Variants in CATSPERG observed in about 807,000 individuals in gnomAD.
CATSPERG encodes cation channel sperm-associated auxiliary subunit gamma.
CATSPERG carries 115 observed loss-of-function variants against 145.0 expected under a neutral mutation model. That is an observed-to-expected ratio of 0.79 (90% CI 0.68 to 0.93). The LOEUF (loss-of-function observed/expected upper bound fraction) is 0.93. Ranked by LOEUF, CATSPERG falls within the 40% of genes least tolerant of loss-of-function variation. CATSPERG has a pLI of 0.00. For missense variants in CATSPERG, 1,296 were observed against 1,490.1 expected, an observed-to-expected ratio of 0.87 and a Z score of 2.14; for synonymous variants, 588 against 589.0, an observed-to-expected ratio of 1.00 and a Z score of 0.02.
intron 7 of CATSPERG, among the ~76,000 whole-genome samples, chr19:38,346,835 G>C (rs1045406467): frequency 6.6e-6 from 1 of 152,160 alleles, no homozygotes; most frequent in African/African-American, 2.4e-5. Flanking sequence ...GCAGTTCAAC[G>C]ACCCGGTCTT....
At chr19:38,354,552 G>A (rs1046843486) in intron 8 of CATSPERG, among the ~76,000 whole-genome samples, 158 bp from the exon 9 acceptor site, 27 of 152,158 alleles carry the variant, frequency 1.8e-4, no homozygotes, top group African/African-American at 4.1e-4. Context: ...CAAAGGCAGC[G>A]GGTGCCCTCT....
chr19:38,337,034 T>TGCGGGG, intron 1 of CATSPERG, 187 bp from the exon 2 acceptor site: 1 of 638,294 alleles, frequency 1.6e-6, no homozygotes, highest in South Asian at 2.0e-5. Flanking sequence ...TAAAAGTCCG[T>TGCGGGG]GCGGGGGCAG....
intron 11 of CATSPERG, among the ~76,000 whole-genome samples, chr19:38,357,553 G>A (rs1600470576): frequency 6.6e-6 from 1 of 151,150 alleles, no homozygotes; most frequent in Non-Finnish European, 1.5e-5. Context: ...GTGGTGGCTC[G>A]TGCTTATAAT....
In CATSPERG at chr19:38,346,518, G is replaced by A. The variant is rs763377806; in HGVS notation, c.738G>A (p.Gln246=). ...SSRPLWHTVD[Q]SPVLILGGIP... ...GGCCCTTGTGGCACACTGTGGACCA[G>A]TCACCTGTGCTTATCCTGGGAGGCA... The change falls in exon 7 of 29, where the codon CAG becomes CAA. Residue 246 remains glutamine, a synonymous_variant. Coordinates refer to ENST00000409235, the MANE Select transcript of CATSPERG (RefSeq NM_021185.5). 2.3e-4 allele frequency: 356 copies of A among 1,551,538 alleles called. No homozygotes were observed. Among genetic ancestry groups the A allele is most frequent in the Non-Finnish European group, 3.0e-4 (345 of 1,146,914 alleles).
At chr19:38,353,011 G>C (rs1165865850) in intron 8 of CATSPERG, among the ~76,000 whole-genome samples, 2 of 132,548 alleles carry the variant, frequency 1.5e-5, no homozygotes, top group Non-Finnish European at 3.1e-5. Context: ...CTGGGCGACA[G>C]AGCAAGACCC....
intron 3 of CATSPERG, among the ~76,000 whole-genome samples, 170 bp from the exon 4 acceptor site, chr19:38,343,410 T>C (rs1316699234): frequency 2.0e-5 from 3 of 152,104 alleles, no homozygotes; most frequent in African/African-American, 7.2e-5. Flanking sequence ...CCTAGGCTGT[T>C]CCATCCCCCA....
At chr19:38,360,367 TG>T in intron 14 of CATSPERG, 121 bp from the exon 15 acceptor site, 1 of 1,490,116 alleles carries the variant, frequency 6.7e-7, no homozygotes, top group Non-Finnish European at 8.9e-7. Context: ...TTGGTCCCAG[TG>T]GAGGTGAGTT....
intron 8 of CATSPERG, 69 bp downstream of exon 8, chr19:38,352,501 T>TG: frequency 6.9e-7 from 1 of 1,445,542 alleles, no homozygotes; most frequent in Middle Eastern, 1.7e-4. Flanking sequence ...TGAAGGTGGC[T>TG]GGGGGCTGGA....
chr19:38,346,415 A>T, intron 6 of CATSPERG, 35 bp from the exon 7 acceptor site: 1 of 1,497,720 alleles, frequency 6.7e-7, no homozygotes, highest in Non-Finnish European at 9.0e-7. Flanking sequence ...GAGAGTGGGG[A>T]GAGTGTTGGC....
At position 38,367,490 on chromosome 19, in the gene CATSPERG, A is replaced by G; in HGVS notation, c.2771-19A>G. The G allele has an allele frequency of 6.2e-7, 1 of 1,611,724 alleles. No individual in the cohort carries two copies. The highest frequency in any genetic ancestry group is 1.1e-5 in the South Asian group (1 of 90,886). ...AAGCTAATTTCTTCTTCTGGTCTCAATCCCCTCCAACCCCATAGTTTTCTA... is the reference window on the plus strand; with the variant it reads ...AAGCTAATTTCTTCTTCTGGTCTCAGTCCCCTCCAACCCCATAGTTTTCTA... On this transcript the variant is annotated intron_variant, in intron 23 of 28. Coordinates refer to ENST00000409235, the MANE Select transcript of CATSPERG (RefSeq NM_021185.5).
intron 7 of CATSPERG, chr19:38,349,766 G>C (rs1970105342): frequency 6.6e-6 from 1 of 152,272 alleles, no homozygotes; most frequent in Non-Finnish European, 1.5e-5. Flanking sequence ...CCAGGTTCAA[G>C]TGATTCTTCT....
At chr19:38,359,262 G>A (rs1466873285) in intron 13 of CATSPERG, among the ~76,000 whole-genome samples, 1 of 152,016 alleles carries the variant, frequency 6.6e-6, no homozygotes, top group Non-Finnish European at 1.5e-5. Flanking sequence ...CTGGCAAACT[G>A]CCAGGTTGGC....
chr19:38,350,848 G>C (rs1244540944), intron 7 of CATSPERG, among the ~76,000 whole-genome samples: 1 of 152,096 alleles, frequency 6.6e-6, no homozygotes, highest in African/African-American at 2.4e-5. Flanking sequence ...AATTAGCCAG[G>C]CATGGTGGTG....
At position 38,337,900 on chromosome 19, in the gene CATSPERG, A is replaced by G. The variant is rs1045787147; in HGVS notation, c.324+254A>G. ...CGCCCGGCTAATTTTTGTATTTGGT[A>G]GAGACAGGGTTTCACCACGTTGCCC... On this transcript the variant is annotated intron_variant, in intron 3 of 28. Coordinates refer to ENST00000409235, the MANE Select transcript of CATSPERG (RefSeq NM_021185.5). 3 of 345,264 alleles carry G rather than the reference A, an allele frequency of 8.7e-6. No individual in the cohort carries two copies. The South Asian group carries it at 9.2e-5, about 11-fold the overall frequency. The allele number at this position is 345,264 out of a possible 1,614,324, so 21.4% of individuals were successfully genotyped here. A position where few individuals can be genotyped will look rare whatever the true frequency, so the allele number is the denominator to read the frequency against.
chr19:38,353,308 T>A (rs182606013), intron 8 of CATSPERG, among the ~76,000 whole-genome samples: 76 of 151,804 alleles, frequency 5.0e-4, no homozygotes, highest in African/African-American at 1.7e-3. Flanking sequence ...CACTCCAGCC[T>A]GGCCAACAGA....
intron 14 of CATSPERG, 134 bp from the exon 15 acceptor site, chr19:38,360,355 C>T (rs1426555325): frequency 6.8e-7 from 1 of 1,468,242 alleles, no homozygotes; most frequent in Non-Finnish European, 9.0e-7. Context: ...AGGGGAGCGC[C>T]CTTGGTCCCA....
At chr19:38,352,604 T>TTC in intron 8 of CATSPERG, 172 bp downstream of exon 8, 1 of 613,608 alleles carries the variant, frequency 1.6e-6, no homozygotes, top group Non-Finnish European at 2.8e-6. Context: ...CCTTTTTTTT[T>TTC]TTTTTTTTTT....
intron 12 of CATSPERG, 38 bp from the exon 13 acceptor site, chr19:38,358,394 C>T: frequency 2.5e-6 from 4 of 1,614,114 alleles, no homozygotes; most frequent in Non-Finnish European, 3.4e-6. Flanking sequence ...GGTGACTCCA[C>T]TTCACTGCTG....
intron 9 of CATSPERG, among the ~76,000 whole-genome samples, chr19:38,356,090 C>T (rs374284642): frequency 1.3e-5 from 2 of 152,072 alleles, no homozygotes; most frequent in African/African-American, 2.4e-5. Flanking sequence ...ATTATTGGTC[C>T]TATAATTTGG....
Sources: allele counts gnomAD v4.1 joint callset (sites outside exome capture counted in the v4.1 genomes callset), GRCh38; gene constraint gnomAD v4.1.1; transcripts MANE v1.5; gene names NCBI Gene and HGNC (gene_info 2026-07-23, HGNC 2026-07-21).